The following GPC5 variants were observed in gnomAD, a reference collection of about 807,000 sequenced individuals.
GPC5 encodes the protein glypican 5, also known as glypican-5.
A neutral mutation model predicts 53.9 loss-of-function variants in GPC5; 47 were observed. The observed-to-expected ratio is 0.87, with a 90% confidence interval of 0.69 to 1.11. The LOEUF is 1.11. Among genes scored for constraint, GPC5 ranks in the 50% most tolerant of loss-of-function variants. The pLI is 0.00. For synonymous variants in GPC5, 286 were observed against 263.3 expected (o/e 1.09, Z -0.84); for missense variants, 748 against 713.1 (o/e 1.05, Z -0.56).
chr13:92,071,959 G>GT (rs1754502514), intron 6 of GPC5, among the ~76,000 whole-genome samples: 2 of 144,654 alleles, frequency 1.4e-5, no homozygotes, highest in Non-Finnish European at 3.0e-5. Context: ...TATTGTACAT[G>GT]TAAATTTTAT....
chr13:91,845,799 T>C (rs550259130), intron 5 of GPC5, among the ~76,000 whole-genome samples: 18 of 152,298 alleles, frequency 1.2e-4, no homozygotes, highest in African/African-American at 4.3e-4. Context: ...TTGTTATCGT[T>C]CCTGAAGAGA....
At chr13:92,520,312 C>A (rs949936937) in intron 7 of GPC5, among the ~76,000 whole-genome samples, 5 of 152,208 alleles carry the variant, frequency 3.3e-5, no homozygotes, top group African/African-American at 1.2e-4. Flanking sequence ...CAAAGCCTGG[C>A]AGAGACACAA....
intron 7 of GPC5, among the ~76,000 whole-genome samples, chr13:92,259,170 T>C (rs886778544): frequency 2.6e-5 from 4 of 152,214 alleles, no homozygotes; most frequent in African/African-American, 9.6e-5. Flanking sequence ...CTCCCTTTTC[T>C]GCTGTTGGTA....
chr13:92,095,748 T>A lies in GPC5; in HGVS notation c.1402-49082T>A, dbSNP rs532065371. Among the ~76,000 whole-genome samples the A allele has an allele frequency of 5.9e-5, 9 of 152,270 alleles. No individual in the cohort carries two copies. The East Asian group carries it at 1.7e-3, about 29-fold the overall frequency. On this transcript the variant is annotated intron_variant, in intron 6 of 7. Coordinates refer to ENST00000377067, the MANE Select transcript of GPC5 (RefSeq NM_004466.6). Reference sequence around the variant, plus strand: ...CGGGGTTTCACCACGTTGGTCAGGCTGGTCTCGAATTCCTGACCTCGTGAT... The same window carrying A: ...CGGGGTTTCACCACGTTGGTCAGGCAGGTCTCGAATTCCTGACCTCGTGAT...
At position 91,403,752 on chromosome 13, in the gene GPC5, T is replaced by C. The variant is rs548014921; in HGVS notation, c.163+4543T>C. Among the ~76,000 whole-genome samples, 4 of 152,354 alleles carry C rather than the reference T, an allele frequency of 2.6e-5. No homozygotes were observed. The South Asian group carries it at 6.2e-4, about 24-fold the overall frequency. The stretch of plus-strand genomic sequence containing the variant: ...CTAAGAGAATCACGTGTTTCATTTT[T>C]CTCTAGGCCTTTAGTGCATCTTAAT... On this transcript the variant is annotated intron_variant, in intron 1 of 7. Transcript: ENST00000377067.
chr13:92,573,665 T>A (rs1250556070), intron 7 of GPC5, among the ~76,000 whole-genome samples: 1 of 152,062 alleles, frequency 6.6e-6, no homozygotes, highest in African/African-American at 2.4e-5. Flanking sequence ...GTTCAGGCGG[T>A]TGCACCCTTG....
chr13:91,899,572 T>C (rs182574421), intron 5 of GPC5, among the ~76,000 whole-genome samples: 1 of 152,178 alleles, frequency 6.6e-6, no homozygotes, highest in African/African-American at 2.4e-5. Context: ...CCAAAATTTA[T>C]GTCCACTAGA....
chr13:92,209,541 A>C (rs117813679), intron 7 of GPC5, among the ~76,000 whole-genome samples: 1 of 152,180 alleles, frequency 6.6e-6, no homozygotes, highest in African/African-American at 2.4e-5. Context: ...ACTAACATCC[A>C]CAGAAGGCCT....
At chr13:91,586,177 A>G (rs1294494114) in intron 2 of GPC5, among the ~76,000 whole-genome samples, 2 of 151,698 alleles carry the variant, frequency 1.3e-5, no homozygotes, top group Non-Finnish European at 2.9e-5. Context: ...TGCGGCTTAC[A>G]ATAGAGCCCA....
intron 7 of GPC5, among the ~76,000 whole-genome samples, chr13:92,710,065 C>A (rs1036768098): frequency 1.3e-5 from 2 of 152,182 alleles, no homozygotes; most frequent in East Asian, 1.9e-4. Context: ...CAGAAAAAGA[C>A]ACCAGAGAAA....
chr13:92,491,354 T>C (rs368590712), intron 7 of GPC5, among the ~76,000 whole-genome samples: 2 of 152,296 alleles, frequency 1.3e-5, no homozygotes, highest in South Asian at 4.1e-4. Flanking sequence ...CTTTATATAA[T>C]TCAGTCAACT....
chr13:92,002,097 C>A (rs1356762466), intron 6 of GPC5, among the ~76,000 whole-genome samples: 1 of 151,794 alleles, frequency 6.6e-6, no homozygotes, highest in Non-Finnish European at 1.5e-5. Flanking sequence ...TTTGTTTACC[C>A]CTCTCTCTGT....
intron 3 of GPC5, among the ~76,000 whole-genome samples, chr13:91,711,037 C>T (rs994196527): frequency 3.2e-4 from 49 of 152,090 alleles, no homozygotes; most frequent in African/African-American, 1.1e-3. Flanking sequence ...TTGTGGAAGA[C>T]GGTGTGGCAA....
At chr13:91,742,063 C>T (rs2036945887) in intron 4 of GPC5, among the ~76,000 whole-genome samples, 1 of 152,030 alleles carries the variant, frequency 6.6e-6, no homozygotes, top group East Asian at 1.9e-4. Flanking sequence ...GCTTCCAGAG[C>T]AGGGCAGGCC....
chr13:91,781,686 A>G (rs974413182), intron 5 of GPC5, among the ~76,000 whole-genome samples: 1 of 152,206 alleles, frequency 6.6e-6, no homozygotes, highest in Non-Finnish European at 1.5e-5. Context: ...CATTTTGTGT[A>G]TGAGAAAACT....
At chr13:92,572,433 G>T (rs1475740500) in intron 7 of GPC5, among the ~76,000 whole-genome samples, 1 of 152,108 alleles carries the variant, frequency 6.6e-6, no homozygotes, top group Non-Finnish European at 1.5e-5. Flanking sequence ...TCTTTGTTGT[G>T]TTCTTTGTTC....
chr13:92,639,451 T>C (rs1397024238), intron 7 of GPC5, among the ~76,000 whole-genome samples: 1 of 152,244 alleles, frequency 6.6e-6, no homozygotes, highest in Non-Finnish European at 1.5e-5. Context: ...GTATCATAGA[T>C]ACTGTGAAAT....
intron 2 of GPC5, among the ~76,000 whole-genome samples, chr13:91,477,357 A>T (rs9523340): frequency 0.019 from 2,829 of 152,234 alleles, 29 homozygotes; most frequent in Non-Finnish European, 0.03. Flanking sequence ...TACTGGGGAA[A>T]ACAGAAGAGT....
At chr13:91,498,705 A>G (rs1342397359) in intron 2 of GPC5, among the ~76,000 whole-genome samples, 2 of 152,086 alleles carry the variant, frequency 1.3e-5, no homozygotes, top group African/African-American at 2.4e-5. Flanking sequence ...GGAGCCAGTT[A>G]GAAAGCTATT....
Sources: gnomAD v4.1 joint callset for allele counts (sites outside exome capture counted in the v4.1 genomes callset) on GRCh38, gnomAD v4.1.1 for gene constraint, MANE v1.5 for transcripts, NCBI Gene and HGNC (gene_info 2026-07-23, HGNC 2026-07-21) for gene names.